The following KCNH1 variants were observed in gnomAD, a reference collection of about 807,000 sequenced individuals.
KCNH1 encodes voltage-gated delayed rectifier potassium channel KCNH1.
In KCNH1, 27 loss-of-function variants were observed where a neutral mutation model predicts 69.2. The observed-to-expected ratio is 0.39, with a 90% CI of 0.29 to 0.54. KCNH1 has a LOEUF of 0.54. Ranked by LOEUF, KCNH1 falls within the 20% of genes least tolerant of loss-of-function variation. The probability of loss-of-function intolerance (pLI) is 0.68; values close to 1 mark genes in which losing one functional copy is unlikely to be tolerated. For missense variants in KCNH1, 798 were observed against 1,261.6 expected (o/e 0.63, Z 5.57); for synonymous variants, 456 against 487.7 (o/e 0.93, Z 0.86).
intron 6 of KCNH1, among the ~76,000 whole-genome samples, chr1:210,995,429 C>A (rs1359603022): frequency 6.6e-6 from 1 of 152,102 alleles, no homozygotes; most frequent in Non-Finnish European, 1.5e-5. Flanking sequence ...AAAAAATAAA[C>A]CCCTATCTCC....
intron 10 of KCNH1, among the ~76,000 whole-genome samples, chr1:210,740,543 C>T (rs1404513494): frequency 6.6e-6 from 1 of 152,032 alleles, no homozygotes; most frequent in Non-Finnish European, 1.5e-5. Context: ...CTGGTCTCTT[C>T]TGGCATGCTT....
At chr1:210,798,672 G>A (rs1684371187) in intron 8 of KCNH1, among the ~76,000 whole-genome samples, 1 of 152,200 alleles carries the variant, frequency 6.6e-6, no homozygotes, top group Non-Finnish European at 1.5e-5. Flanking sequence ...GGTGTCAAGA[G>A]TCTAGTCAAG....
At chr1:211,036,695 G>C (rs1249828045) in intron 5 of KCNH1, among the ~76,000 whole-genome samples, 1 of 151,096 alleles carries the variant, frequency 6.6e-6, no homozygotes, top group East Asian at 1.9e-4. Context: ...CCTGGTCTTG[G>C]TGATCCTGGT....
At chr1:211,109,196 A>G (rs1691415687) in intron 1 of KCNH1, among the ~76,000 whole-genome samples, 1 of 152,198 alleles carries the variant, frequency 6.6e-6, no homozygotes, top group African/African-American at 2.4e-5. Context: ...TGTGAGAGGA[A>G]GGGAACATTC....
At chr1:210,944,244 C>T (rs1333267695) in intron 6 of KCNH1, among the ~76,000 whole-genome samples, 1 of 152,182 alleles carries the variant, frequency 6.6e-6, no homozygotes, top group Non-Finnish European at 1.5e-5. Context: ...AAAATGAGTA[C>T]TGGTGGCAGT....
chr1:210,923,767 C>G (rs892898950), intron 6 of KCNH1, among the ~76,000 whole-genome samples: 1 of 152,208 alleles, frequency 6.6e-6, no homozygotes, highest in Non-Finnish European at 1.5e-5. Flanking sequence ...AGGAACTATA[C>G]CTTTCTGAAG....
chr1:210,879,939 A>G (rs1469592161), intron 7 of KCNH1, among the ~76,000 whole-genome samples: 8 of 152,170 alleles, frequency 5.3e-5, no homozygotes, highest in Admixed American at 5.2e-4. Context: ...ACTTTTCAAT[A>G]TGTCAGCAAT....
At chr1:210,862,494 C>T (rs1047966585) in intron 7 of KCNH1, among the ~76,000 whole-genome samples, 2 of 152,122 alleles carry the variant, frequency 1.3e-5, no homozygotes, top group Admixed American at 1.3e-4. Flanking sequence ...CGCTACCATG[C>T]CAAGCTGATT....
chr1:210,936,464 T>C (rs75943941), intron 6 of KCNH1, among the ~76,000 whole-genome samples: 1 of 152,330 alleles, frequency 6.6e-6, no homozygotes, highest in East Asian at 1.9e-4. Flanking sequence ...CACACTTGCA[T>C]CTTCCAAAGA....
At chr1:210,945,211 T>C (rs1687936980) in intron 6 of KCNH1, among the ~76,000 whole-genome samples, 1 of 152,240 alleles carries the variant, frequency 6.6e-6, no homozygotes, top group Non-Finnish European at 1.5e-5. Context: ...ATAATGCTGC[T>C]ATAAGCATTG....
chr1:210,982,467 T>C (rs1477555046), intron 6 of KCNH1, among the ~76,000 whole-genome samples: 1 of 152,030 alleles, frequency 6.6e-6, no homozygotes, highest in Non-Finnish European at 1.5e-5. Context: ...CCCCTTCCTG[T>C]GTCCATGTCT....
Position 211,019,167 on chromosome 1 carries a change from A to G in KCNH1, c.648T>C (p.Phe216=), listed in dbSNP as rs1558570087. 1 of 1,614,008 alleles carries G rather than the reference A, an allele frequency of 6.2e-7. No individual in the cohort carries two copies. The highest frequency in any genetic ancestry group is 2.2e-5 in the East Asian group (1 of 44,884). ...PPHIILHYCV[F]KTTWDWIILI... ...AGATGATCCAATCCCACGTGGTCTT[A>G]AAAACACAATAATGTAAGATGATGT... The change falls in exon 6 of 11, where the codon TTT becomes TTC. Residue 216 remains phenylalanine, a synonymous_variant. Coordinates refer to ENST00000271751, the MANE Select transcript of KCNH1 (RefSeq NM_172362.3).
intron 6 of KCNH1, among the ~76,000 whole-genome samples, chr1:210,971,541 T>C (rs901240039): frequency 2.6e-5 from 4 of 152,276 alleles, no homozygotes; most frequent in Middle Eastern, 3.4e-3. Flanking sequence ...CATTTTACTA[T>C]TATCGATGCT....
chr1:210,882,802 G>T (rs973883656), intron 7 of KCNH1, among the ~76,000 whole-genome samples: 1 of 152,162 alleles, frequency 6.6e-6, no homozygotes, highest in South Asian at 2.1e-4. Context: ...AGAAGAAATC[G>T]ATGCTTGCAT....
intron 6 of KCNH1, among the ~76,000 whole-genome samples, chr1:211,005,471 T>C: frequency 6.6e-6 from 1 of 152,192 alleles, no homozygotes; most frequent in South Asian, 2.1e-4. Flanking sequence ...ATAAAGACAC[T>C]AATTAAGTGA....
intron 10 of KCNH1, among the ~76,000 whole-genome samples, chr1:210,768,577 T>C (rs1289974279): frequency 6.6e-6 from 1 of 152,204 alleles, no homozygotes; most frequent in Non-Finnish European, 1.5e-5. Context: ...ATCACTACCA[T>C]TTGGGGTAGG....
At chr1:211,056,752 A>G (rs1558585474) in intron 5 of KCNH1, among the ~76,000 whole-genome samples, 1 of 152,222 alleles carries the variant, frequency 6.6e-6, no homozygotes. Context: ...ATCTCTTCCT[A>G]GTAATTCAGA....
intron 7 of KCNH1, among the ~76,000 whole-genome samples, chr1:210,899,884 A>G (rs1686957457): frequency 6.6e-6 from 1 of 152,208 alleles, no homozygotes; most frequent in Non-Finnish European, 1.5e-5. Flanking sequence ...GCTGTTAATC[A>G]TTATCTAGTT....
intron 7 of KCNH1, among the ~76,000 whole-genome samples, chr1:210,879,917 T>C (rs1686460277): frequency 6.6e-6 from 1 of 152,152 alleles, no homozygotes; most frequent in Admixed American, 6.6e-5. Flanking sequence ...ATAAGGTTAA[T>C]ACATAAAAAT....
Sources: gnomAD v4.1 joint callset for allele counts (sites outside exome capture counted in the v4.1 genomes callset) on GRCh38, gnomAD v4.1.1 for gene constraint, MANE v1.5 for transcripts, NCBI Gene and HGNC (gene_info 2026-07-23, HGNC 2026-07-21) for gene names.